The following ABCB1 variants were observed in gnomAD, a reference collection of about 807,000 sequenced individuals.
The protein encoded by ABCB1 is ATP binding cassette subfamily B member 1, also known as ATP-dependent translocase ABCB1.
In ABCB1, 69 loss-of-function variants were observed where a neutral mutation model predicts 142.0. The observed-to-expected ratio is 0.49, with a 90% CI of 0.40 to 0.59. The LOEUF (loss-of-function observed/expected upper bound fraction) is 0.59. Among genes scored for constraint, ABCB1 ranks in the 20% least tolerant of loss-of-function variants. The pLI is 0.00. For missense variants in ABCB1, 1,326 were observed against 1,554.7 expected (o/e 0.85, Z 2.47); for synonymous variants, 532 against 539.2 (o/e 0.99, Z 0.18).
intron 7 of ABCB1, 56 bp from the exon 8 acceptor site, chr7:87,561,443 T>C (rs1481481203): frequency 6.6e-7 from 1 of 1,511,100 alleles, no homozygotes; most frequent in Non-Finnish European, 9.1e-7. Context: ...TTATCTTTTG[T>C]AAAGTAAAAA....
intron 1 of ABCB1, among the ~76,000 whole-genome samples, chr7:87,697,288 T>G (rs1828576442): frequency 6.6e-6 from 1 of 152,236 alleles, no homozygotes; most frequent in South Asian, 2.1e-4. Context: ...GTTTCCCATA[T>G]TGTCTTTTTA....
Position 87,541,363 on chromosome 7 carries a change from GA to G in ABCB1, c.2312del (p.Phe771SerfsTer31). 2.6e-6 allele frequency: 4 copies of G among 1,548,138 alleles called. No individual in the cohort carries two copies. Among genetic ancestry groups the G allele is most frequent in the Non-Finnish European group, 3.6e-6 (4 of 1,120,242 alleles). ...TGAAAATGGAAACATTTACCTGAAG[GA>G]AAAATGTAATAAAAGAAATAATTCC... is the stretch of plus-strand genomic sequence containing the variant. ...ALGIISFITF[F>X]LQGFTFGKAG... On this transcript the variant is annotated frameshift_variant, in exon 18 of 28. Transcript: ENST00000622132. LOFTEE classifies it high-confidence loss of function.
chr7:87,564,235 A>G (rs888059570), intron 7 of ABCB1: 3 of 405,632 alleles, frequency 7.4e-6, no homozygotes, highest in Admixed American at 2.8e-5. Flanking sequence ...ATTGAAGTTT[A>G]GCATGATAGT....
At chr7:87,539,467 G>A in intron 18 of ABCB1, 122 bp from the exon 19 acceptor site, 1 of 1,003,058 alleles carries the variant, frequency 1.0e-6, no homozygotes, top group Non-Finnish European at 1.5e-6. Context: ...TCAAGGGCTT[G>A]CTATGTTTCT....
chr7:87,581,824 G>A (rs959778555), intron 4 of ABCB1, among the ~76,000 whole-genome samples: 4 of 152,194 alleles, frequency 2.6e-5, no homozygotes, highest in Non-Finnish European at 5.9e-5. Context: ...TTTCCAATAA[G>A]GAGGCTCTGG....
chr7:87,664,108 T>A (rs902435364), intron 1 of ABCB1, among the ~76,000 whole-genome samples: 52 of 152,148 alleles, frequency 3.4e-4, no homozygotes, highest in African/African-American at 1.3e-3. Context: ...TATCTTCTTG[T>A]CTCTGTGCAC....
chr7:87,521,209 T>C (rs1285473965), intron 21 of ABCB1: 6 of 367,986 alleles, frequency 1.6e-5, no homozygotes, highest in Admixed American at 1.3e-4. Context: ...CTTTCTTCTA[T>C]GATGATCACA....
chr7:87,660,236 G>C (rs1312080209), intron 1 of ABCB1, among the ~76,000 whole-genome samples: 1 of 152,088 alleles, frequency 6.6e-6, no homozygotes, highest in Non-Finnish European at 1.5e-5. Flanking sequence ...GAGTGTGAGT[G>C]AGTGTATTTG....
intron 1 of ABCB1, among the ~76,000 whole-genome samples, chr7:87,702,765 T>A (rs1235458432): frequency 6.6e-6 from 1 of 152,142 alleles, no homozygotes; most frequent in Non-Finnish European, 1.5e-5. Context: ...TCTCAAATGA[T>A]CTCAAAACTA....
At chr7:87,623,904 C>G (rs1820315606) in intron 1 of ABCB1, among the ~76,000 whole-genome samples, 1 of 152,158 alleles carries the variant, frequency 6.6e-6, no homozygotes, top group Non-Finnish European at 1.5e-5. Flanking sequence ...TACCACCACT[C>G]TTTTTTTCTC....
rs372009260 is a variant in ABCB1 at position 87,673,592 on chromosome 7, G to A, written c.-331+39569C>T. ...TGCTTCTTTCTTAAAATGGCCCTTC[G>A]ATATTTCGGCTTCTGTATCCGTTTG... On this transcript the variant is annotated intron_variant, in intron 1 of 28. Coordinates refer to the ABCB1 transcript ENST00000265724. 6.6e-5 allele frequency among the ~76,000 whole-genome samples: 10 copies of A among 152,262 alleles called. No homozygotes were observed. In the East Asian group the frequency reaches 1.2e-3, roughly 18 times the overall value.
chr7:87,548,541 G>A (rs1816905743), intron 14 of ABCB1, among the ~76,000 whole-genome samples: 1 of 152,136 alleles, frequency 6.6e-6, no homozygotes, highest in Admixed American at 6.5e-5. Flanking sequence ...TTGACAGGAT[G>A]TTAAGGAACA....
intron 1 of ABCB1, chr7:87,709,595 A>G: frequency 3.7e-6 from 3 of 806,760 alleles, no homozygotes; most frequent in Non-Finnish European, 4.5e-6. Context: ...ACAGGTTTTA[A>G]CTACTGCCTA....
chr7:87,703,915 T>TTTTTTTTTTTTTTTTTTTTTTTTTTTTG (rs1563147558), intron 1 of ABCB1, among the ~76,000 whole-genome samples: 10 of 18,526 alleles, frequency 5.4e-4, no homozygotes, highest in Non-Finnish European at 8.8e-4. Context: ...TTTTTTTTGG[T>TTTTTTTTTTTTTTTTTTTTTTTTTTTTG]TTTTTTTTTT....
intron 17 of ABCB1, among the ~76,000 whole-genome samples, chr7:87,541,692 G>A (rs1023573421): frequency 3.9e-5 from 6 of 152,126 alleles, no homozygotes; most frequent in Admixed American, 1.3e-4. Flanking sequence ...TTTTCTGTTC[G>A]GATTCCCTCT....
At chr7:87,575,306 A>G (rs889835648) in intron 4 of ABCB1, among the ~76,000 whole-genome samples, 3 of 152,200 alleles carry the variant, frequency 2.0e-5, no homozygotes, top group African/African-American at 4.8e-5. Context: ...TAATTGGTAA[A>G]CTGAAATTAT....
chr7:87,619,754 G>T (rs1055087263), intron 1 of ABCB1, among the ~76,000 whole-genome samples: 1 of 147,792 alleles, frequency 6.8e-6, no homozygotes, highest in Non-Finnish European at 1.5e-5. Flanking sequence ...ACATGTGTGT[G>T]TGTGTGTGTG....
chr7:87,504,606 C>T (rs769156849), intron 27 of ABCB1, among the ~76,000 whole-genome samples, 157 bp from the exon 28 acceptor site: 5 of 152,110 alleles, frequency 3.3e-5, no homozygotes, highest in African/African-American at 9.7e-5. Flanking sequence ...CAGATTGAGA[C>T]CATCCTGGCT....
chr7:87,548,733 G>A (rs764398233), intron 14 of ABCB1, among the ~76,000 whole-genome samples: 6 of 152,234 alleles, frequency 3.9e-5, no homozygotes, highest in South Asian at 4.2e-4. Flanking sequence ...CACAGTGCCC[G>A]GCACACGGCA....
Sources: gnomAD v4.1 joint callset for allele counts (sites outside exome capture counted in the v4.1 genomes callset) on GRCh38, gnomAD v4.1.1 for gene constraint, MANE v1.5 for transcripts, NCBI Gene and HGNC (gene_info 2026-07-23, HGNC 2026-07-21) for gene names.